The following DST variants were observed in gnomAD, a reference collection of about 807,000 sequenced individuals.
The protein encoded by DST is bullous pemphigoid antigen.
A neutral mutation model predicts 875.2 loss-of-function variants in DST; 253 were observed. That is an observed-to-expected ratio of 0.29 (90% CI 0.26 to 0.32). The LOEUF (loss-of-function observed/expected upper bound fraction) is 0.32. DST is among the 10% of genes least tolerant of loss of function. The pLI, the probability that DST is intolerant of heterozygous loss-of-function variation, is 1.00. For synonymous variants in DST, 3,124 were observed against 3,197.1 expected, an observed-to-expected ratio of 0.98 and a Z score of 0.77; for missense variants, 8,287 against 9,111.6, an observed-to-expected ratio of 0.91 and a Z score of 3.68.
intron 9 of DST, among the ~76,000 whole-genome samples, chr6:56,684,880 A>G (rs909264557): frequency 6.6e-6 from 1 of 152,036 alleles, no homozygotes; most frequent in African/African-American, 2.4e-5. Context: ...AACACTACAC[A>G]TTTTCAGAGG....
chr6:56,759,496 T>A (rs867803493), intron 4 of DST, among the ~76,000 whole-genome samples: 11 of 152,270 alleles, frequency 7.2e-5, no homozygotes, highest in Middle Eastern at 6.8e-3. Flanking sequence ...AGCAAAAACG[T>A]CTATCTCAAG....
chr6:56,944,944 C>T (rs1263129890), intron 2 of DST, among the ~76,000 whole-genome samples: 1 of 152,136 alleles, frequency 6.6e-6, no homozygotes, highest in African/African-American at 2.4e-5. Context: ...TGCCCCTTCC[C>T]TTCCTTCCTT....
chr6:56,711,412 T>C (rs2099362763), intron 5 of DST, among the ~76,000 whole-genome samples: 2 of 152,130 alleles, frequency 1.3e-5, no homozygotes, highest in South Asian at 2.1e-4. Flanking sequence ...TGGTTCTGGT[T>C]TGGTTTGAGT....
chr6:56,702,380 TACAC>T (rs141415908), intron 7 of DST, among the ~76,000 whole-genome samples: 12 of 149,410 alleles, frequency 8.0e-5, no homozygotes, highest in Non-Finnish European at 1.5e-4. Context: ...TAACTGTATA[TACAC>T]ACACACACAC....
At chr6:56,691,246 C>T (rs2099226668) in intron 9 of DST, among the ~76,000 whole-genome samples, 1 of 152,160 alleles carries the variant, frequency 6.6e-6, no homozygotes, top group South Asian at 2.1e-4. Flanking sequence ...TTTTCTTTTG[C>T]ACTAGGCTTT....
At chr6:56,568,230 T>C (rs974228525) in intron 55 of DST, among the ~76,000 whole-genome samples, 15 of 152,236 alleles carry the variant, frequency 9.9e-5, no homozygotes, top group Non-Finnish European at 1.9e-4. Context: ...TATTCTTACA[T>C]ATTAATTTAG....
rs2096971025 is a variant in DST at position 56,535,116 on chromosome 6, A to C, written c.16941+6T>G. 2 of 1,612,286 alleles carry C rather than the reference A, an allele frequency of 1.2e-6. No homozygotes were observed. On this transcript the variant is annotated splice_donor_region_variant and intron_variant, in intron 63 of 103. Transcript: ENST00000680361. The stretch of plus-strand genomic sequence containing the variant: ...GAAACGCAATACAAAAGCATGACTA[A>C]CTTACCTTTTGTTCTTGTATCTGGG...
intron 55 of DST, among the ~76,000 whole-genome samples, chr6:56,565,454 C>A (rs755375561): frequency 6.6e-6 from 1 of 152,076 alleles, no homozygotes; most frequent in Non-Finnish European, 1.5e-5. Flanking sequence ...GGAATAGTTT[C>A]GGAAGGAATG....
chr6:56,915,421 A>AT (rs1347245650), intron 2 of DST, among the ~76,000 whole-genome samples: 2 of 152,194 alleles, frequency 1.3e-5, no homozygotes, highest in Non-Finnish European at 2.9e-5. Flanking sequence ...AACACTAATC[A>AT]TAAGAAGACA....
chr6:56,593,660 T>A lies in DST; in HGVS notation c.12726+3A>T, dbSNP rs1297249221. ...TTCCCTTAAAAAATCAAAATAACAT[T>A]ACCTTAGAGTAGAGAGACCTGAACC... On this transcript the variant is annotated splice_donor_region_variant and intron_variant, in intron 48 of 103. Transcript: ENST00000680361. 6.7e-7 allele frequency: 1 copy of A among 1,492,438 alleles called. No individual in the cohort carries two copies. Among genetic ancestry groups the A allele is most frequent in the Non-Finnish European group, 8.9e-7 (1 of 1,119,714 alleles). The allele number at this position is 1,492,438 out of a possible 1,614,324, so 92.4% of individuals were successfully genotyped here.
In DST at chr6:56,593,689, C is replaced by G. The variant is rs1487207352; in HGVS notation, c.12700G>C (p.Asp4234His). 2 of 1,607,608 alleles carry G rather than the reference C, an allele frequency of 1.2e-6. No individual in the cohort carries two copies. The highest frequency in any genetic ancestry group is 1.7e-6 in the Non-Finnish European group (2 of 1,176,086). ...EVQRKLDHATDRFRSLYSKCN... is the reference protein window; with the variant it reads ...EVQRKLDHATHRFRSLYSKCN... ...TTAGAGTAGAGAGACCTGAACCGAT[C>G]AGTAGCATGATCCAACTTGCGCTGC... The change falls in exon 48 of 104, where the codon GAT becomes CAT. Residue 4234 changes from aspartate to histidine, a missense_variant. Physicochemically the swap from Asp to His is moderately conservative, Grantham distance 81 (BLOSUM62 -1). This residue lies in a region of DST where 1,513 missense variants were observed against 1,677.8 expected (regional missense o/e 0.90). Transcript: ENST00000680361.
In DST at chr6:56,494,171, C is replaced by A. The variant is rs1306127286; in HGVS notation, c.20233G>T (p.Ala6745Ser). The A allele has an allele frequency of 6.3e-7, 1 of 1,599,084 alleles. No homozygotes were observed. ...GTTTCTTCTTTAGCTTCAAAGGCAG[C>A]ACAGACTTCCTAAATTGAGATACCC... ...EQLNVHMEVCAAFEAKEETYK... is the reference protein window; with the variant it reads ...EQLNVHMEVCSAFEAKEETYK... Residue 6745 changes from alanine (A) to serine (S), a missense_variant, in exon 83 of 104, where the codon GCT (alanine) becomes TCT (serine). This residue lies in a region of DST where 1,292 missense variants were observed against 1,552.7 expected (regional missense o/e 0.83). Transcript: ENST00000680361.
intron 69 of DST, among the ~76,000 whole-genome samples, chr6:56,524,006 C>T (rs780044770): frequency 1.1e-4 from 17 of 152,044 alleles, no homozygotes; most frequent in Non-Finnish European, 1.9e-4. Flanking sequence ...AAATACGTGG[C>T]TAATGTCCAG....
intron 2 of DST, among the ~76,000 whole-genome samples, chr6:56,936,185 T>C (rs1447526102): frequency 6.6e-6 from 1 of 152,160 alleles, no homozygotes; most frequent in East Asian, 1.9e-4. Flanking sequence ...AAGCTTGAAG[T>C]GGATGGAGGA....
At chr6:56,506,858 C>T (rs1204462721) in intron 75 of DST, 69 bp from the exon 76 acceptor site, 1 of 1,461,980 alleles carries the variant, frequency 6.8e-7, no homozygotes, top group Non-Finnish European at 9.2e-7. Context: ...AAGTACACAA[C>T]AATATCAATG....
chr6:56,467,986 T>C (rs1247466725), intron 98 of DST, among the ~76,000 whole-genome samples: 1 of 152,198 alleles, frequency 6.6e-6, no homozygotes, highest in Non-Finnish European at 1.5e-5. Flanking sequence ...ATGGAAGTTT[T>C]AAAAATCTAT....
intron 23 of DST, 57 bp downstream of exon 23, chr6:56,636,500 T>C: frequency 7.1e-7 from 1 of 1,416,880 alleles, no homozygotes; most frequent in Non-Finnish European, 9.9e-7. Context: ...AAAAGATTCC[T>C]GCAAGTTAGC....
rs545796139 is a variant in DST, at chr6:56,615,095, G to A, written c.4930-611C>T. 7.8e-5 allele frequency: 80 copies of A among 1,023,170 alleles called. No homozygotes were observed. The African/African-American group carries it at 8.3e-4, about 11-fold the overall frequency. 63.4% of individuals were successfully genotyped at this position (1,023,170 alleles called of 1,614,324 possible). Reference sequence around the variant, plus strand: ...ACTGCAGCTTGAAGGCTGTGGGAACGAATTTATATCTTTCTCTTTGATTCC... The same window carrying A: ...ACTGCAGCTTGAAGGCTGTGGGAACAAATTTATATCTTTCTCTTTGATTCC... On this transcript the variant is annotated intron_variant, in intron 36 of 103. Transcript: ENST00000680361.
chr6:56,664,428 T>C (rs1285938142), intron 10 of DST, among the ~76,000 whole-genome samples: 1 of 152,214 alleles, frequency 6.6e-6, no homozygotes, highest in Non-Finnish European at 1.5e-5. Context: ...AGAGGAGAGC[T>C]GAACCCTCTG....
Sources: allele counts gnomAD v4.1 joint callset (sites outside exome capture counted in the v4.1 genomes callset), GRCh38; gene constraint gnomAD v4.1.1; regional missense constraint gnomAD v4.1.1; transcripts MANE v1.5; gene names NCBI Gene and HGNC (gene_info 2026-07-23, HGNC 2026-07-21).